The following CDKL3 variants were observed in gnomAD, a reference collection of about 807,000 sequenced individuals.
CDKL3 encodes the protein cyclin dependent kinase like 3.
A neutral mutation model predicts 69.3 loss-of-function variants in CDKL3; 65 were observed. The ratio of observed to expected loss-of-function variants is 0.94; its 90% CI spans 0.77 to 1.15. The LOEUF is 1.15. Among genes scored for constraint, CDKL3 ranks in the 50% most tolerant of loss-of-function variants. CDKL3 has a pLI of 0.00. For synonymous variants in CDKL3, 202 were observed against 221.6 expected (o/e 0.91, Z 0.79); for missense variants, 652 against 689.2 (o/e 0.95, Z 0.61).
chr5:134,330,401 C>T (rs932307031), intron 4 of CDKL3, among the ~76,000 whole-genome samples: 24 of 152,132 alleles, frequency 1.6e-4, no homozygotes, highest in East Asian at 5.8e-4. Context: ...CTTTCCCAGA[C>T]GTTTATTTTG....
At chr5:134,350,564 C>T (rs1202285155) in intron 3 of CDKL3, 137 bp from the exon 4 acceptor site, 1 of 626,334 alleles carries the variant, frequency 1.6e-6, no homozygotes, top group Non-Finnish European at 2.8e-6. Flanking sequence ...ATTAATTACA[C>T]AATGCAAATA....
At chr5:134,349,319 T>C (rs1752674466) in intron 4 of CDKL3, among the ~76,000 whole-genome samples, 1 of 152,314 alleles carries the variant, frequency 6.6e-6, no homozygotes, top group East Asian at 1.9e-4. Flanking sequence ...TTTTATCTCT[T>C]TATGCTCAAG....
At chr5:134,331,170 C>T (rs1288882200) in intron 4 of CDKL3, among the ~76,000 whole-genome samples, 4 of 152,180 alleles carry the variant, frequency 2.6e-5, no homozygotes, top group African/African-American at 9.6e-5. Flanking sequence ...TACTATTAAT[C>T]ATCCTTCAAT....
rs1390902851 is a variant in CDKL3 at position 134,291,592 on chromosome 5, T to C, written c.*678-5033A>G. Among the ~76,000 whole-genome samples, 5 of 152,240 alleles carry C rather than the reference T, an allele frequency of 3.3e-5. No individual in the cohort carries two copies. The East Asian group carries it at 5.8e-4, about 18-fold the overall frequency. On this transcript the variant is annotated intron_variant and NMD_transcript_variant, in intron 8 of 8. Transcript: ENST00000519312. ...GAGTTCGAGACGAGCCTGGCCAATATGGTGAAACCTCGTCTCTACTAAAAA... is the reference window on the plus strand; with the variant it reads ...GAGTTCGAGACGAGCCTGGCCAATACGGTGAAACCTCGTCTCTACTAAAAA...
chr5:134,302,008 A>G (rs1766476793), intron 12 of CDKL3: 1 of 371,942 alleles, frequency 2.7e-6, no homozygotes. Context: ...GTGGGTGCTC[A>G]GCACAATCTC....
intron 4 of CDKL3, among the ~76,000 whole-genome samples, chr5:134,323,972 T>C (rs1449698802): frequency 1.3e-5 from 2 of 152,012 alleles, no homozygotes; most frequent in Non-Finnish European, 2.9e-5. Flanking sequence ...AGAACTTGTA[T>C]CCAAAATACA....
intron 4 of CDKL3, among the ~76,000 whole-genome samples, chr5:134,347,697 TAAAAAA>T (rs1175296441): frequency 1.9e-5 from 1 of 52,826 alleles, no homozygotes; most frequent in Non-Finnish European, 3.7e-5. Flanking sequence ...CCATCTCTGC[TAAAAAA>T]AAAAAAAAAA....
At chr5:134,331,203 T>C (rs980211804) in intron 4 of CDKL3, among the ~76,000 whole-genome samples, 1 of 152,168 alleles carries the variant, frequency 6.6e-6, no homozygotes, top group Non-Finnish European at 1.5e-5. Context: ...CCCCTTCAAT[T>C]AGGGCATGAA....
Position 134,319,312 on chromosome 5 carries a change from A to G in CDKL3, c.792+46T>C. The G allele has an allele frequency of 4.2e-6, 6 of 1,429,066 alleles. No individual in the cohort carries two copies. The South Asian group carries it at 8.5e-5, about 20-fold the overall frequency. The allele number at this position is 1,429,066 out of a possible 1,614,324, so 88.5% of individuals were successfully genotyped here. ...TCCACTGCACTACAGCCTGGGCGAC[A>G]GAGCAAGACTCTGTCTCCGGGGGAG... On this transcript the variant is annotated intron_variant, in intron 6 of 12. Coordinates refer to ENST00000265334, the MANE Select transcript of CDKL3 (RefSeq NM_001113575.2).
chr5:134,329,626 C>T (rs529175325), intron 4 of CDKL3, among the ~76,000 whole-genome samples: 13 of 151,706 alleles, frequency 8.6e-5, no homozygotes, highest in East Asian at 2.0e-4. Flanking sequence ...CCCGCCACTA[C>T]GCCCGGCTAA....
chr5:134,329,598 T>C (rs1275367557), intron 4 of CDKL3, among the ~76,000 whole-genome samples: 1 of 150,142 alleles, frequency 6.7e-6, no homozygotes, highest in East Asian at 2.0e-4. Context: ...GCCTCCAGAG[T>C]AGCTGGGATT....
chr5:134,313,787 G>A lies in CDKL3; in HGVS notation c.793-1407C>T, dbSNP rs985381873. ...AATAAAAAACATTGATTCACAAGGA[G>A]AAATTATTTAAGTCTGTTACCTACT... is the stretch of plus-strand genomic sequence containing the variant. On this transcript the variant is annotated intron_variant, in intron 6 of 12. Transcript: ENST00000265334. 2.0e-5 allele frequency among the ~76,000 whole-genome samples: 3 copies of A among 151,932 alleles called. No homozygotes were observed. In the East Asian group the frequency reaches 5.8e-4, roughly 29 times the overall value.
chr5:134,333,247 C>G (rs1322490553), intron 4 of CDKL3, among the ~76,000 whole-genome samples: 2 of 152,226 alleles, frequency 1.3e-5, no homozygotes, highest in Non-Finnish European at 2.9e-5. Context: ...AATATACAAT[C>G]ATGTCATCTG....
chr5:134,337,979 T>C (rs1777517480), intron 4 of CDKL3, among the ~76,000 whole-genome samples: 1 of 152,186 alleles, frequency 6.6e-6, no homozygotes, highest in Non-Finnish European at 1.5e-5. Context: ...TGCATTTCCA[T>C]GAACTTTTTG....
chr5:134,306,557 A>G, intron 10 of CDKL3, 52 bp downstream of exon 10: 1 of 1,061,360 alleles, frequency 9.4e-7, no homozygotes, highest in Non-Finnish European at 1.4e-6. Flanking sequence ...AAAAGGAAAA[A>G]AGAAGTAATG....
intron 3 of CDKL3, among the ~76,000 whole-genome samples, chr5:134,352,051 C>T (rs140958052): frequency 6.6e-6 from 1 of 152,196 alleles, no homozygotes; most frequent in Non-Finnish European, 1.5e-5. Flanking sequence ...CCAACCACCC[C>T]CACTCTAGCC....
Position 134,312,188 on chromosome 5 carries a change from G to GAA in CDKL3, c.881+102_881+103dup, listed in dbSNP as rs1336445826. 7.5e-5 allele frequency: 52 copies of GAA among 689,766 alleles called. No homozygotes were observed. In the South Asian group the frequency reaches 8.5e-4, roughly 11 times the overall value. The allele number at this position is 689,766 out of a possible 1,614,324, so 42.7% of individuals were successfully genotyped here. On this transcript the variant is annotated intron_variant, in intron 7 of 12. Transcript: ENST00000265334. ...TAACTCAATAAATTTTTGTTAAACTGAATATTTGTTATATAAAAGTAACCT... is the reference window on the plus strand; with the variant it reads ...TAACTCAATAAATTTTTGTTAAACTGAAAATATTTGTTATATAAAAGTAACCT...
chr5:134,354,813 G>A (rs187452428), intron 3 of CDKL3, among the ~76,000 whole-genome samples: 55 of 152,206 alleles, frequency 3.6e-4, no homozygotes, highest in African/African-American at 1.3e-3. Flanking sequence ...CGGACATGGT[G>A]GCATGTGCCT....
intron 3 of CDKL3, among the ~76,000 whole-genome samples, chr5:134,359,011 G>A (rs1755314374): frequency 6.6e-6 from 1 of 151,998 alleles, no homozygotes; most frequent in Admixed American, 6.6e-5. Flanking sequence ...TCTGTGCCAG[G>A]TGCAGTAGCT....
Sources: allele counts gnomAD v4.1 joint callset (sites outside exome capture counted in the v4.1 genomes callset), GRCh38; gene constraint gnomAD v4.1.1; transcripts MANE v1.5; gene names NCBI Gene and HGNC (gene_info 2026-07-23, HGNC 2026-07-21).